Variants in MRTFA observed in about 807,000 individuals in gnomAD.
The protein encoded by MRTFA is myocardin related transcription factor A, also known as myocardin-related transcription factor A.
Under a neutral mutation model 83.5 loss-of-function variants are expected in MRTFA, and 20 were observed. The observed-to-expected ratio is 0.24, with a 90% CI of 0.17 to 0.35. The LOEUF is 0.35. MRTFA is among the 10% of genes least tolerant of loss of function. MRTFA has a pLI of 1.00. For missense variants in MRTFA, 1,200 were observed against 1,224.7 expected (o/e 0.98, Z 0.30); for synonymous variants, 659 against 541.2 (o/e 1.22, Z -3.02).
chr22:40,599,334 T>C (rs773684769), intron 1 of MRTFA, among the ~76,000 whole-genome samples: 1 of 152,118 alleles, frequency 6.6e-6, no homozygotes, highest in Non-Finnish European at 1.5e-5. Flanking sequence ...TAGAAAACTA[T>C]AGCAATTATT....
chr22:40,472,400 A>G (rs996280210), intron 3 of MRTFA, among the ~76,000 whole-genome samples: 1 of 152,232 alleles, frequency 6.6e-6, no homozygotes, highest in Non-Finnish European at 1.5e-5. Flanking sequence ...AATCCACCTA[A>G]TAAGCAGTAA....
chr22:40,620,920 G>A (rs1022348305), intron 1 of MRTFA, among the ~76,000 whole-genome samples: 6 of 152,122 alleles, frequency 3.9e-5, no homozygotes, highest in African/African-American at 7.2e-5. Context: ...GGTAGCTCAC[G>A]TCTGTAATCC....
chr22:40,486,711 G>C (rs2054180246), intron 3 of MRTFA, among the ~76,000 whole-genome samples: 1 of 152,168 alleles, frequency 6.6e-6, no homozygotes, highest in South Asian at 2.1e-4. Context: ...CAGGGAGCCG[G>C]GTGCAGTGTG....
chr22:40,463,107 G>T, intron 4 of MRTFA, 114 bp downstream of exon 4: 1 of 892,070 alleles, frequency 1.1e-6, no homozygotes, highest in Non-Finnish European at 1.8e-6. Flanking sequence ...GAAGAGAGTG[G>T]AAAATAAAAC....
intron 1 of MRTFA, among the ~76,000 whole-genome samples, chr22:40,608,770 T>C (rs1197230616): frequency 1.3e-5 from 2 of 152,338 alleles, no homozygotes; most frequent in Admixed American, 6.5e-5. Flanking sequence ...CCTGCTCTTC[T>C]GCATAATAAA....
intron 3 of MRTFA, among the ~76,000 whole-genome samples, chr22:40,503,643 C>T (rs1316764991): frequency 6.6e-6 from 1 of 151,954 alleles, no homozygotes; most frequent in African/African-American, 2.4e-5. Flanking sequence ...TCCCAGGATA[C>T]TGGCTGGGCG....
intron 3 of MRTFA, among the ~76,000 whole-genome samples, chr22:40,525,542 G>C (rs762289491): frequency 6.6e-6 from 1 of 151,996 alleles, no homozygotes; most frequent in Non-Finnish European, 1.5e-5. Context: ...AAACTACAAT[G>C]TACACTTATG....
intron 4 of MRTFA, among the ~76,000 whole-genome samples, chr22:40,439,365 C>T (rs561562235): frequency 1.3e-5 from 2 of 152,028 alleles, no homozygotes; most frequent in Non-Finnish European, 2.9e-5. Context: ...ATTAGTCAGG[C>T]ATGGTGGCAG....
At chr22:40,522,434 C>T (rs1194496247) in intron 3 of MRTFA, 1 of 152,188 alleles carries the variant, frequency 6.6e-6, no homozygotes, top group African/African-American at 2.4e-5. Flanking sequence ...CATGAGTTCA[C>T]ACTGAAGGGA....
intron 3 of MRTFA, among the ~76,000 whole-genome samples, chr22:40,536,427 T>C (rs1055929023): frequency 8.0e-5 from 12 of 149,540 alleles, no homozygotes; most frequent in African/African-American, 2.9e-4. Context: ...AGGCAGCGGC[T>C]GGAGGAGCGG....
intron 2 of MRTFA, among the ~76,000 whole-genome samples, chr22:40,574,443 T>A (rs6001966): frequency 0.019 from 2,501 of 131,050 alleles, 41 homozygotes; most frequent in Non-Finnish European, 0.025. Flanking sequence ...TATTATTATT[T>A]TTTTTTTTTG....
intron 3 of MRTFA, among the ~76,000 whole-genome samples, chr22:40,513,602 C>CAAAAAAAAAAAAA (rs111580647): frequency 1.5e-5 from 1 of 65,920 alleles, no homozygotes; most frequent in East Asian, 3.8e-4. Context: ...GACTCCATCT[C>CAAAAAAAAAAAAA]AAAAAAAAAA....
intron 3 of MRTFA, among the ~76,000 whole-genome samples, chr22:40,485,759 G>C (rs2054164673): frequency 6.6e-6 from 1 of 152,168 alleles, no homozygotes; most frequent in African/African-American, 2.4e-5. Flanking sequence ...CTATGGGTCT[G>C]GAAGAATCAC....
intron 8 of MRTFA, among the ~76,000 whole-genome samples, chr22:40,423,915 G>C (rs1471771973): frequency 6.6e-6 from 1 of 152,186 alleles, no homozygotes; most frequent in East Asian, 1.9e-4. Context: ...AGAAAAACAG[G>C]CTGCTCCAAA....
At chr22:40,557,742 C>A (rs1360361993) in intron 2 of MRTFA, among the ~76,000 whole-genome samples, 1 of 152,048 alleles carries the variant, frequency 6.6e-6, no homozygotes, top group African/African-American at 2.4e-5. Flanking sequence ...TTTTTTATCA[C>A]AATTATTTTT....
chr22:40,414,606 G>A (rs1266185277), intron 14 of MRTFA, among the ~76,000 whole-genome samples: 1 of 152,182 alleles, frequency 6.6e-6, no homozygotes, highest in African/African-American at 2.4e-5. Flanking sequence ...ATTATGCTGA[G>A]TGAAATAAGC....
chr22:40,609,034 T>C (rs1203677752), intron 1 of MRTFA, among the ~76,000 whole-genome samples: 3 of 152,174 alleles, frequency 2.0e-5, no homozygotes. Flanking sequence ...GGCTCATGCC[T>C]ATAAACCCAG....
At chr22:40,423,817 G>A in intron 8 of MRTFA, 132 bp from the exon 9 acceptor site, 1 of 819,726 alleles carries the variant, frequency 1.2e-6, no homozygotes. Context: ...ACCGGAGGAG[G>A]AGAAGAGCAA....
At chr22:40,519,979 TA>T (rs2054834597) in intron 3 of MRTFA, among the ~76,000 whole-genome samples, 2 of 152,192 alleles carry the variant, frequency 1.3e-5, no homozygotes, top group African/African-American at 4.8e-5. Context: ...TCAGACACAA[TA>T]AACTTCACCT....
Sources: gnomAD v4.1 joint callset for allele counts (sites outside exome capture counted in the v4.1 genomes callset) on GRCh38, gnomAD v4.1.1 for gene constraint, MANE v1.5 for transcripts, NCBI Gene and HGNC (gene_info 2026-07-23, HGNC 2026-07-21) for gene names.